CPNE8: variants seen among roughly 807,000 people sequenced by gnomAD.
The protein encoded by CPNE8 is copine 8, also known as copine-8.
Under a neutral mutation model 81.5 loss-of-function variants are expected in CPNE8, and 45 were observed. That is an observed-to-expected ratio of 0.55 (90% CI 0.44 to 0.71). CPNE8 has a LOEUF of 0.71. CPNE8 is among the 30% of genes least tolerant of loss of function. The pLI is 0.00. For missense variants in CPNE8, 594 were observed against 672.1 expected, an observed-to-expected ratio of 0.88 and a Z score of 1.28; for synonymous variants, 252 against 226.3, an observed-to-expected ratio of 1.11 and a Z score of -1.02.
chr12:38,672,795 G>T (rs908352205), intron 18 of CPNE8, among the ~76,000 whole-genome samples: 6 of 152,106 alleles, frequency 3.9e-5, no homozygotes, highest in Admixed American at 2.6e-4. Flanking sequence ...AAAATACAGA[G>T]TTAAATTTAA....
rs1940051981 is a variant in CPNE8, at chr12:38,704,826, G to GTATATATGTGTGTATATATA, written c.915-1906_915-1905insTATATATACACACATATATA. Reference sequence around the variant, plus strand: ...GGACCATCTGTGTGTGTATGTATGTGTATATATATATATATATATATATAT... The same window carrying GTATATATGTGTGTATATATA: ...GGACCATCTGTGTGTGTATGTATGTGTATATATGTGTGTATATATATATATATATATATATATATATATAT... On this transcript the variant is annotated intron_variant, in intron 13 of 19. Coordinates refer to ENST00000331366, the MANE Select transcript of CPNE8 (RefSeq NM_153634.3). Among the ~76,000 whole-genome samples, 3 of 50,196 alleles carry GTATATATGTGTGTATATATA rather than the reference G, an allele frequency of 6.0e-5. No homozygotes were observed. In the South Asian group the frequency reaches 2.5e-3, roughly 41 times the overall value. 32.9% of individuals were successfully genotyped at this position (50,196 alleles called of 152,430 possible). A position where few individuals can be genotyped will look rare whatever the true frequency, so the allele number is the denominator to read the frequency against.
intron 19 of CPNE8, among the ~76,000 whole-genome samples, chr12:38,669,583 C>A (rs1467606883): frequency 6.6e-6 from 1 of 152,142 alleles, no homozygotes; most frequent in Non-Finnish European, 1.5e-5. Flanking sequence ...CTTGGGCAAA[C>A]ACGGCCACTT....
chr12:38,781,489 A>G (rs1565611930), intron 6 of CPNE8, among the ~76,000 whole-genome samples: 1 of 152,070 alleles, frequency 6.6e-6, no homozygotes, highest in Admixed American at 6.6e-5. Flanking sequence ...AAATCAGTAC[A>G]CCTACATTAA....
chr12:38,905,816 G>C, upstream of CPNE8: 1 of 985,350 alleles, frequency 1.0e-6, no homozygotes, highest in Non-Finnish European at 1.2e-6. Flanking sequence ...CCCGGGCGGG[G>C]GACACACTCC....
chr12:38,859,257 G>A (rs555572756), intron 3 of CPNE8, among the ~76,000 whole-genome samples: 24 of 151,300 alleles, frequency 1.6e-4, no homozygotes, highest in South Asian at 1.0e-3. Flanking sequence ...TTGCAGATAC[G>A]AAATCTATAT....
chr12:38,765,134 C>A (rs570798647), intron 8 of CPNE8, among the ~76,000 whole-genome samples: 1 of 152,296 alleles, frequency 6.6e-6, no homozygotes, highest in Non-Finnish European at 1.5e-5. Flanking sequence ...TAATCATTCT[C>A]ATTTCTAATG....
chr12:38,877,014 G>C (rs1944077339), intron 1 of CPNE8, among the ~76,000 whole-genome samples: 1 of 152,090 alleles, frequency 6.6e-6, no homozygotes. Context: ...AACTAAGCTG[G>C]GGCTCAGAGA....
chr12:38,815,872 CAA>C lies in CPNE8; in HGVS notation c.407+13505_407+13506del, dbSNP rs1394663292. ...TACATAGATTTTTCAGTAACAAAAA[CAA>C]AGTAAACTGCTCAACCTCTGGAGAT... On this transcript the variant is annotated intron_variant, in intron 6 of 19. Transcript: ENST00000331366. 2.0e-5 allele frequency among the ~76,000 whole-genome samples: 3 copies of C among 152,042 alleles called. No individual in the cohort carries two copies. In the East Asian group the frequency reaches 5.8e-4, roughly 29 times the overall value.
At chr12:38,704,048 T>C (rs1459113272) in intron 13 of CPNE8, among the ~76,000 whole-genome samples, 1 of 151,898 alleles carries the variant, frequency 6.6e-6, no homozygotes, top group African/African-American at 2.4e-5. Context: ...GAGCTAAACA[T>C]TGGGTACTCA....
At chr12:38,902,413 AAGAAAAAG>A (rs1477043314) in intron 1 of CPNE8, among the ~76,000 whole-genome samples, 1 of 140,148 alleles carries the variant, frequency 7.1e-6, no homozygotes, top group Non-Finnish European at 1.5e-5. Context: ...GAAAGAAAGA[AAGAAAAAG>A]AAAGAAAGAA....
At chr12:38,854,149 C>T (rs1246993681) in intron 3 of CPNE8, among the ~76,000 whole-genome samples, 9 of 151,810 alleles carry the variant, frequency 5.9e-5, no homozygotes, top group African/African-American at 1.7e-4. Context: ...AATCTAAAAC[C>T]GCAATTTAGG....
rs1168222972 is a variant in CPNE8, at chr12:38,677,608, T to C, written c.1272-54A>G. On this transcript the variant is annotated intron_variant, in intron 16 of 19. Coordinates refer to ENST00000331366, the MANE Select transcript of CPNE8 (RefSeq NM_153634.3). ...TAAAACAGTTTTCTATATGTGATGG[T>C]TGGTAAATACAATTTGGAATAGTTA... is the stretch of plus-strand genomic sequence containing the variant. The C allele has an allele frequency of 5.2e-6, 5 of 961,704 alleles. No homozygotes were observed. In the East Asian group the frequency reaches 9.7e-5, roughly 19 times the overall value. 59.6% of individuals were successfully genotyped at this position (961,704 alleles called of 1,614,324 possible). A position where few individuals can be genotyped will look rare whatever the true frequency, so the allele number is the denominator to read the frequency against.
At chr12:38,685,792 C>A in intron 15 of CPNE8, 175 bp from the exon 16 acceptor site, 4 of 497,496 alleles carry the variant, frequency 8.0e-6, no homozygotes, top group South Asian at 2.6e-5. Flanking sequence ...GATCAACAAT[C>A]GATTATGATA....
chr12:38,894,690 TC>T (rs1944362718), intron 1 of CPNE8, among the ~76,000 whole-genome samples: 5 of 148,920 alleles, frequency 3.4e-5, no homozygotes, highest in South Asian at 2.2e-4. Flanking sequence ...TCTCTCTCTC[TC>T]TCTCTCTCTC....
chr12:38,680,056 C>T (rs1164278729), intron 16 of CPNE8, among the ~76,000 whole-genome samples: 1 of 151,628 alleles, frequency 6.6e-6, no homozygotes, highest in Non-Finnish European at 1.5e-5. Context: ...TGAAATATAG[C>T]CTATCTATAA....
At chr12:38,689,618 G>C (rs1194317927) in intron 15 of CPNE8, among the ~76,000 whole-genome samples, 1 of 149,290 alleles carries the variant, frequency 6.7e-6, no homozygotes, top group African/African-American at 2.5e-5. Flanking sequence ...TGCCTACTTG[G>C]CAAAAAAATA....
intron 7 of CPNE8, among the ~76,000 whole-genome samples, chr12:38,774,942 TGTTATTATA>T (rs1941895888): frequency 1.3e-5 from 2 of 152,156 alleles, no homozygotes; most frequent in South Asian, 4.1e-4. Context: ...TCCACTCATC[TGTTATTATA>T]GTTCCTATTG....
At chr12:38,757,896 T>G (rs1307432865) in intron 10 of CPNE8, among the ~76,000 whole-genome samples, 5 of 152,040 alleles carry the variant, frequency 3.3e-5, no homozygotes, top group Admixed American at 6.6e-5. Context: ...AGTCTTTAAC[T>G]CCCTAGACTT....
At chr12:38,813,317 A>C (rs1434884501) in intron 6 of CPNE8, among the ~76,000 whole-genome samples, 1 of 152,188 alleles carries the variant, frequency 6.6e-6, no homozygotes, top group Non-Finnish European at 1.5e-5. Flanking sequence ...ACACAAGGGT[A>C]GTGGAGGTGG....
Sources: allele counts gnomAD v4.1 joint callset (sites outside exome capture counted in the v4.1 genomes callset), GRCh38; gene constraint gnomAD v4.1.1; transcripts MANE v1.5; gene names NCBI Gene and HGNC (gene_info 2026-07-23, HGNC 2026-07-21).